The following PTPN21 variants were observed in gnomAD, a reference collection of about 807,000 sequenced individuals.
The protein encoded by PTPN21 is protein tyrosine phosphatase non-receptor type 21.
PTPN21 carries 77 observed loss-of-function variants against 131.8 expected under a neutral mutation model. That is an observed-to-expected ratio of 0.58 (90% CI 0.49 to 0.71). The LOEUF (loss-of-function observed/expected upper bound fraction) is 0.71, where lower values mean the gene tolerates loss of function less well. PTPN21 is among the 30% of genes least tolerant of loss of function. PTPN21 has a pLI of 0.00. For synonymous variants in PTPN21, 715 were observed against 621.3 expected (o/e 1.15, Z -2.24); for missense variants, 1,552 against 1,527.1 (o/e 1.02, Z -0.27).
In PTPN21 at chr14:88,518,406, ATATATATATTTTTTTTTTTTTTTTTTT is replaced by A. The variant is rs1424905149; in HGVS notation, c.181-1172_181-1146del. On this transcript the variant is annotated intron_variant, in intron 2 of 18. Transcript: ENST00000556564. ...TGTGTGTATATATATATATATATAT[ATATATATATTTTTTTTTTTTTTTTTTT>A]TTTTTTTTTTTTTTTGAGATAGATT... Among the ~76,000 whole-genome samples, 19 of 20,518 alleles carry A rather than the reference ATATATATATTTTTTTTTTTTTTTTTTT, an allele frequency of 9.3e-4. 1 individual carries two copies. Among genetic ancestry groups the A allele is most frequent in the Admixed American group, 3.4e-3 (3 of 882 alleles). The allele number at this position is 20,518 out of a possible 152,430, so 13.5% of individuals were successfully genotyped here.
intron 11 of PTPN21, 125 bp downstream of exon 11, chr14:88,485,657 A>T: frequency 1.6e-6 from 1 of 606,302 alleles, no homozygotes; most frequent in African/African-American, 1.9e-5. Context: ...TTCTTTGGTT[A>T]AAAATGATGA....
Position 88,479,556 on chromosome 14 carries a change from G to A in PTPN21, c.1875C>T (p.Thr625=), listed in dbSNP as rs566609413. ...HSLQEVSEPL[T]AARHAQLHKR... is the part of the protein sequence containing the mutation. ...TGTGCAGCTGCGCGTGGCGCGCGGC[G>A]GTGAGGGGCTCGCTGACCTCCTGCA... The change falls in exon 13 of 19, where the codon ACC becomes ACT. Residue 625 remains threonine, a synonymous_variant. Transcript: ENST00000556564. 39 of 1,598,522 alleles carry A rather than the reference G, an allele frequency of 2.4e-5. 1 individual carries two copies. In the South Asian group the frequency reaches 3.0e-4, roughly 12 times the overall value.
In PTPN21 at chr14:88,469,996, T is replaced by A; in HGVS notation, c.2926A>T (p.Asn976Tyr). The change falls in exon 16 of 19, where the codon AAT becomes TAT. Residue 976 changes from asparagine (N) to tyrosine (Y), a missense_variant. Asn to Tyr is a moderately radical substitution (Grantham distance 143). Around this residue, in one of 4 missense-constraint regions of PTPN21, gnomAD observed 316 missense variants for 378.5 expected, o/e 0.83. Coordinates refer to ENST00000556564, the MANE Select transcript of PTPN21 (RefSeq NM_007039.4). The surrounding 1 kb of genome is among the most constrained non-coding windows in gnomAD (Gnocchi z 4.3). Reference sequence around the variant, plus strand: ...ATCTGCCAAAAATCTTGACAGGTATTCTGTAATGGTCCCTGTGTGGCAATA... The same window carrying A: ...ATCTGCCAAAAATCTTGACAGGTATACTGTAATGGTCCCTGTGTGGCAATA... ...DYIATQGPLQ[N>Y]TCQDFWQMVW... is the part of the protein sequence containing the mutation. 6.2e-7 allele frequency: 1 copy of A among 1,613,266 alleles called. No homozygotes were observed. The highest frequency in any genetic ancestry group is 1.3e-5 in the African/African-American group (1 of 75,028).
At chr14:88,482,320 G>A (rs907594634) in intron 12 of PTPN21, among the ~76,000 whole-genome samples, 2 of 152,126 alleles carry the variant, frequency 1.3e-5, no homozygotes, top group African/African-American at 4.8e-5. Flanking sequence ...TCGAACACCA[G>A]GCAAAAGAAT....
rs776112650 is a variant in PTPN21, at chr14:88,470,077, T to G, written c.2872-27A>C. The G allele has an allele frequency of 1.5e-5, 24 of 1,606,594 alleles. No homozygotes were observed. In the Admixed American group the frequency reaches 3.8e-4, roughly 26 times the overall value. ...TGGGATTAGAAAAGGTTAAAAAAAT[T>G]GATGTGTGGGTATAATATACATAGG... On this transcript the variant is annotated intron_variant, in intron 15 of 18. Coordinates refer to ENST00000556564, the MANE Select transcript of PTPN21 (RefSeq NM_007039.4).
chr14:88,544,302 G>A lies in PTPN21; in HGVS notation c.180+5936C>T, dbSNP rs373665468. 5.3e-5 allele frequency among the ~76,000 whole-genome samples: 8 copies of A among 152,062 alleles called. No homozygotes were observed. The South Asian group carries it at 8.3e-4, about 16-fold the overall frequency. ...GGAAGTTGCTGTGAGCCGAGATCGCGCCATTTGCACTCCAGCCTGGGCAAC... is the reference window on the plus strand; with the variant it reads ...GGAAGTTGCTGTGAGCCGAGATCGCACCATTTGCACTCCAGCCTGGGCAAC... On this transcript the variant is annotated intron_variant, in intron 2 of 18. Coordinates refer to ENST00000556564, the MANE Select transcript of PTPN21 (RefSeq NM_007039.4).
rs1176695439 is a variant in PTPN21 at position 88,480,079 on chromosome 14, T to A, written c.1352A>T (p.Tyr451Phe). 1 of 1,613,990 alleles carries A rather than the reference T, an allele frequency of 6.2e-7. No homozygotes were observed. The highest frequency in any genetic ancestry group is 8.5e-7 in the Non-Finnish European group (1 of 1,180,030). The change falls in exon 13 of 19, where the codon TAT (tyrosine) becomes TTT (phenylalanine). Residue 451 changes from tyrosine (Y) to phenylalanine (F), a missense_variant. By Grantham distance (22) the Tyr-to-Phe change is conservative (BLOSUM62 3). Coordinates refer to ENST00000556564, the MANE Select transcript of PTPN21 (RefSeq NM_007039.4). ...GTTGAGCTGCTTCATCACAGTCTCA[T>A]AGTCTGGGGTGGGGCGGTAGGACGG... The part of the protein sequence containing the change: ...IPPSYRPTPD[Y>F]ETVMKQLNRG...
intron 2 of PTPN21, among the ~76,000 whole-genome samples, chr14:88,528,121 G>C (rs1396239303): frequency 6.6e-6 from 1 of 152,072 alleles, no homozygotes; most frequent in East Asian, 1.9e-4. Context: ...GTCTTGCTTT[G>C]GCTATGGGGG....
intron 2 of PTPN21, among the ~76,000 whole-genome samples, chr14:88,545,759 G>A (rs764714079): frequency 3.3e-5 from 5 of 151,976 alleles, no homozygotes; most frequent in Non-Finnish European, 5.9e-5. Flanking sequence ...TCAGGAGATC[G>A]AGACCATCCT....
At chr14:88,513,624 A>G (rs1331732393) in intron 3 of PTPN21, 1 of 152,230 alleles carries the variant, frequency 6.6e-6, no homozygotes, top group Admixed American at 6.5e-5. Context: ...TCGCTCTGCC[A>G]TGTGAGGACC....
At chr14:88,539,318 T>C (rs1187819117) in intron 2 of PTPN21, among the ~76,000 whole-genome samples, 2 of 151,444 alleles carry the variant, frequency 1.3e-5, no homozygotes, top group African/African-American at 4.9e-5. Context: ...GGCATGATCT[T>C]GACTCAATGT....
At chr14:88,496,566 T>C in intron 9 of PTPN21, 74 bp from the exon 10 acceptor site, 1 of 1,153,194 alleles carries the variant, frequency 8.7e-7, no homozygotes, top group African/African-American at 1.5e-5. Context: ...AGAGTTTGTC[T>C]AAAGACATAA....
In PTPN21 at chr14:88,526,464, C is replaced by T. The variant is rs148130148; in HGVS notation, c.181-9203G>A. On this transcript the variant is annotated intron_variant, in intron 2 of 18. Transcript: ENST00000556564. ...ACTCCGGAGGCTGAGGCAGGAGAATCGCTTGAACCTGGGAGGCAGAGGTTG... is the reference window on the plus strand; with the variant it reads ...ACTCCGGAGGCTGAGGCAGGAGAATTGCTTGAACCTGGGAGGCAGAGGTTG... Among the ~76,000 whole-genome samples, 685 of 135,318 alleles carry T rather than the reference C, an allele frequency of 5.1e-3. 7 individuals carry two copies. The highest frequency in any genetic ancestry group is 0.017 in the African/African-American group (633 of 36,522). The allele number at this position is 135,318 out of a possible 152,430, so 88.8% of individuals were successfully genotyped here.
chr14:88,479,130 C>T lies in PTPN21; in HGVS notation c.2301G>A (p.Ala767=), dbSNP rs781275601. 6.4e-6 allele frequency: 10 copies of T among 1,556,288 alleles called. No individual in the cohort carries two copies. The highest frequency in any genetic ancestry group is 6.9e-6 in the Non-Finnish European group (8 of 1,153,228). The change falls in exon 13 of 19, where the codon GCG becomes GCA. Residue 767 remains alanine, a synonymous_variant. Transcript: ENST00000556564. The part of the protein sequence containing the change: ...ILEPKAHVPD[A]EKRMMDSSPV... The stretch of plus-strand genomic sequence containing the variant: ...GGCTGCTGTCCATCATCCTCTTCTC[C>T]GCGTCTGGGACGTGGGCCTTGGGCT...
intron 10 of PTPN21, among the ~76,000 whole-genome samples, chr14:88,492,503 A>G (rs3783886): frequency 0.16 from 23,635 of 152,156 alleles, 3,038 homozygotes; most frequent in African/African-American, 0.36. Context: ...CAGACCAGCG[A>G]TGGGGACTCG....
chr14:88,545,829 A>G (rs1595420705), intron 2 of PTPN21, among the ~76,000 whole-genome samples: 1 of 152,038 alleles, frequency 6.6e-6, no homozygotes, highest in East Asian at 1.9e-4. Flanking sequence ...GCGTGGTGGC[A>G]TGCGCCTATA....
Position 88,479,074 on chromosome 14 carries a change from G to A in PTPN21, c.2357C>T (p.Pro786Leu). ...PVRTTAEAQR[P>L]WRDGLLMPSM... Reference sequence around the variant, plus strand: ...GGGCATCAGCAGCCCGTCTCTCCAGGGCCGCTGGGCCTCTGCGGTCGTGCG... The same window carrying A: ...GGGCATCAGCAGCCCGTCTCTCCAGAGCCGCTGGGCCTCTGCGGTCGTGCG... Residue 786 changes from proline (P) to leucine (L), a missense_variant, in exon 13 of 19, where the codon CCC (proline) becomes CTC (leucine). By Grantham distance (98) the Pro-to-Leu change is moderately conservative (BLOSUM62 -3). This residue lies in a region of PTPN21 where 1,016 missense variants were observed against 883.5 expected (regional missense o/e 1.15). Coordinates refer to ENST00000556564, the MANE Select transcript of PTPN21 (RefSeq NM_007039.4). 1 of 1,597,454 alleles carries A rather than the reference G, an allele frequency of 6.3e-7. No individual in the cohort carries two copies. The highest frequency in any genetic ancestry group is 1.1e-5 in the South Asian group (1 of 89,454).
intron 3 of PTPN21, chr14:88,515,286 T>G (rs2078250528): frequency 6.6e-6 from 1 of 152,236 alleles, no homozygotes; most frequent in Admixed American, 6.5e-5. Context: ...GCAATCCTAT[T>G]GATTGACTCT....
At chr14:88,500,515 T>C (rs1367554557) in intron 8 of PTPN21, among the ~76,000 whole-genome samples, 3 of 152,188 alleles carry the variant, frequency 2.0e-5, no homozygotes, top group South Asian at 2.1e-4. Flanking sequence ...GGCCTCCATA[T>C]GGCACAAAAA....
Sources: allele counts gnomAD v4.1 joint callset (sites outside exome capture counted in the v4.1 genomes callset), GRCh38; gene constraint gnomAD v4.1.1; regional missense constraint gnomAD v4.1.1; non-coding constraint Gnocchi (gnomAD v3.1); transcripts MANE v1.5; gene names NCBI Gene and HGNC (gene_info 2026-07-23, HGNC 2026-07-21).